STRBP: variants seen among roughly 807,000 people sequenced by gnomAD.
The protein encoded by STRBP is spermatid perinuclear RNA-binding protein.
Under a neutral mutation model 80.1 loss-of-function variants are expected in STRBP, and 13 were observed. The ratio of observed to expected loss-of-function variants is 0.16; its 90% CI spans 0.11 to 0.26. The LOEUF (loss-of-function observed/expected upper bound fraction) is 0.26. Ranked by LOEUF, STRBP falls within the 10% of genes least tolerant of loss-of-function variation. STRBP has a pLI of 1.00. For synonymous variants in STRBP, 284 were observed against 291.2 expected, an observed-to-expected ratio of 0.98 and a Z score of 0.25; for missense variants, 485 against 815.2, an observed-to-expected ratio of 0.59 and a Z score of 4.93.
At chr9:123,262,869 C>G (rs2041187625) in intron 1 of STRBP, among the ~76,000 whole-genome samples, 1 of 152,158 alleles carries the variant, frequency 6.6e-6, no homozygotes, top group Admixed American at 6.6e-5. Context: ...AATGCAAGAA[C>G]TAAAAGCTAT....
chr9:123,195,899 C>T (rs1235481021), intron 2 of STRBP, among the ~76,000 whole-genome samples: 3 of 152,058 alleles, frequency 2.0e-5, no homozygotes, highest in African/African-American at 7.2e-5. Context: ...CCAAAACTAT[C>T]GTGAGTAAAA....
chr9:123,150,970 T>C (rs528437204), intron 11 of STRBP, among the ~76,000 whole-genome samples: 149 of 152,266 alleles, frequency 9.8e-4, no homozygotes, highest in South Asian at 1.9e-3. Context: ...CAGAAACAAA[T>C]ATAAATCCTC....
chr9:123,239,299 C>T (rs941779864), intron 1 of STRBP, among the ~76,000 whole-genome samples: 16 of 151,966 alleles, frequency 1.1e-4, no homozygotes, highest in African/African-American at 2.4e-4. Flanking sequence ...GGCGTGAACC[C>T]GGGAGGCAGA....
chr9:123,113,091 G>A (rs2035593394), intron 3 of STRBP: 1 of 167,140 alleles, frequency 6.0e-6, no homozygotes, highest in Non-Finnish European at 1.5e-5. Flanking sequence ...CCAACTCTCT[G>A]GGCCTCTCTT....
At chr9:123,215,213 T>C (rs903352795) in intron 2 of STRBP, among the ~76,000 whole-genome samples, 1 of 152,022 alleles carries the variant, frequency 6.6e-6, no homozygotes, top group Non-Finnish European at 1.5e-5. Context: ...ACTACAGGCA[T>C]GCACCACTGG....
chr9:123,196,273 A>G (rs1310208085), intron 2 of STRBP, among the ~76,000 whole-genome samples: 1 of 152,194 alleles, frequency 6.6e-6, no homozygotes, highest in East Asian at 1.9e-4. Context: ...TAAAACTACT[A>G]AAAGAAAACA....
At chr9:123,180,003 C>T (rs780390015) in intron 3 of STRBP, among the ~76,000 whole-genome samples, 3 of 152,126 alleles carry the variant, frequency 2.0e-5, no homozygotes, top group East Asian at 1.9e-4. Flanking sequence ...CTATAATTCC[C>T]AGCACTTTGG....
chr9:123,176,959 A>G (rs2038245268), intron 4 of STRBP, among the ~76,000 whole-genome samples: 1 of 152,240 alleles, frequency 6.6e-6, no homozygotes, highest in Admixed American at 6.5e-5. Flanking sequence ...AAATTAAGAC[A>G]GCATAGGTAA....
intron 1 of STRBP, among the ~76,000 whole-genome samples, chr9:123,263,133 A>G (rs937901251): frequency 6.6e-5 from 10 of 152,244 alleles, no homozygotes; most frequent in African/African-American, 2.4e-4. Context: ...AAATGAAAAC[A>G]GAAAAGCAGT....
At chr9:123,186,825 TA>T (rs10534355) in intron 2 of STRBP, among the ~76,000 whole-genome samples, 85,548 of 142,198 alleles carry the variant, frequency 0.6, 28,153 homozygotes, top group Middle Eastern at 0.77. Context: ...TTTCTTTTTT[TA>T]AAAAAAAAAA....
chr9:123,200,413 G>C (rs1588089018), intron 2 of STRBP, among the ~76,000 whole-genome samples: 1 of 152,004 alleles, frequency 6.6e-6, no homozygotes, highest in Non-Finnish European at 1.5e-5. Flanking sequence ...TTTCTAATTA[G>C]GGTGATACTG....
At chr9:123,227,825 A>G (rs1191389272) in intron 2 of STRBP, among the ~76,000 whole-genome samples, 1 of 152,096 alleles carries the variant, frequency 6.6e-6, no homozygotes, top group East Asian at 1.9e-4. Context: ...TCAGCCTCCC[A>G]AAGTGCTGGG....
At chr9:123,185,542 A>C (rs1272057913) in intron 2 of STRBP, among the ~76,000 whole-genome samples, 1 of 152,242 alleles carries the variant, frequency 6.6e-6, no homozygotes, top group Non-Finnish European at 1.5e-5. Context: ...CAGGGATCAA[A>C]ATATGATCCC....
At chr9:123,129,729 A>G (rs2036054879) in intron 17 of STRBP, among the ~76,000 whole-genome samples, 1 of 152,206 alleles carries the variant, frequency 6.6e-6, no homozygotes, top group Non-Finnish European at 1.5e-5. Context: ...GTCTTCTCTG[A>G]ATGCCAAGTT....
intron 4 of STRBP, among the ~76,000 whole-genome samples, chr9:123,175,702 T>C (rs1564266929): frequency 6.6e-6 from 1 of 152,170 alleles, no homozygotes; most frequent in Non-Finnish European, 1.5e-5. Flanking sequence ...TTATAAATTA[T>C]CCCTCTATAA....
intron 1 of STRBP, among the ~76,000 whole-genome samples, chr9:123,264,815 G>A (rs995849279): frequency 1.3e-5 from 2 of 152,032 alleles, no homozygotes; most frequent in Admixed American, 6.5e-5. Flanking sequence ...CATATAATCC[G>A]AACACTATAC....
intron 5 of STRBP, among the ~76,000 whole-genome samples, chr9:123,171,392 T>C (rs957769731): frequency 1.3e-5 from 2 of 152,222 alleles, no homozygotes; most frequent in East Asian, 3.9e-4. Flanking sequence ...CTATGTTAAG[T>C]GCTCGGGAAA....
chr9:123,193,241 G>A (rs541918351), intron 2 of STRBP, among the ~76,000 whole-genome samples: 14 of 151,994 alleles, frequency 9.2e-5, no homozygotes, highest in Admixed American at 3.3e-4. Context: ...CTAGTACATC[G>A]CCCTGCACTC....
intron 13 of STRBP, among the ~76,000 whole-genome samples, chr9:123,143,995 C>G (rs1217856389): frequency 1.3e-5 from 2 of 152,048 alleles, no homozygotes; most frequent in African/African-American, 2.4e-5. Flanking sequence ...GTCAGGAGTT[C>G]AAGACCAGCC....
Sources: gnomAD v4.1 joint callset for allele counts (sites outside exome capture counted in the v4.1 genomes callset) on GRCh38, gnomAD v4.1.1 for gene constraint, MANE v1.5 for transcripts, NCBI Gene and HGNC (gene_info 2026-07-23, HGNC 2026-07-21) for gene names.